Variants in TBC1D22A observed in about 807,000 individuals in gnomAD.
TBC1D22A encodes putative GTPase activator.
A neutral mutation model predicts 60.2 loss-of-function variants in TBC1D22A; 38 were observed. That is an observed-to-expected ratio of 0.63 (90% CI 0.49 to 0.83). TBC1D22A has a LOEUF of 0.83. TBC1D22A is among the 40% of genes least tolerant of loss of function. The probability of loss-of-function intolerance (pLI) is 0.00; values close to 1 mark genes in which losing one functional copy is unlikely to be tolerated. For missense variants in TBC1D22A, 628 were observed against 701.0 expected (o/e 0.90, Z 1.18); for synonymous variants, 302 against 281.7 (o/e 1.07, Z -0.72).
chr22:47,060,681 C>G (rs1381536808), intron 11 of TBC1D22A, among the ~76,000 whole-genome samples: 3 of 152,172 alleles, frequency 2.0e-5, no homozygotes, highest in Non-Finnish European at 4.4e-5. Flanking sequence ...ATCCGACTGC[C>G]TCTGACTTTC....
intron 12 of TBC1D22A, among the ~76,000 whole-genome samples, chr22:47,118,818 T>C (rs908000478): frequency 1.4e-5 from 2 of 146,708 alleles, no homozygotes; most frequent in Middle Eastern, 3.3e-3. Flanking sequence ...CACACATACA[T>C]TTAAAAAATG....
chr22:46,804,973 A>C (rs143731814), intron 4 of TBC1D22A, among the ~76,000 whole-genome samples: 1 of 152,104 alleles, frequency 6.6e-6, no homozygotes, highest in African/African-American at 2.4e-5. Flanking sequence ...TATTTTCTCT[A>C]TGTGAGGGAT....
intron 11 of TBC1D22A, among the ~76,000 whole-genome samples, chr22:47,103,626 TG>T (rs1224935649): frequency 1.3e-5 from 2 of 152,196 alleles, no homozygotes; most frequent in African/African-American, 4.8e-5. Context: ...CAGAGAGGGC[TG>T]ACGTGCCCAG....
intron 12 of TBC1D22A, among the ~76,000 whole-genome samples, chr22:47,112,274 G>A (rs1017761949): frequency 2.6e-5 from 4 of 152,334 alleles, no homozygotes; most frequent in East Asian, 1.9e-4. Context: ...CCCAAGGTGC[G>A]GGCTGGGAAG....
At chr22:47,057,721 A>C (rs528972844) in intron 11 of TBC1D22A, among the ~76,000 whole-genome samples, 181 of 152,294 alleles carry the variant, frequency 1.2e-3, no homozygotes, top group African/African-American at 3.9e-3. Flanking sequence ...CTTACTCACT[A>C]TCGCGAGAAT....
At chr22:46,999,049 C>T (rs918986694) in intron 10 of TBC1D22A, among the ~76,000 whole-genome samples, 3 of 152,210 alleles carry the variant, frequency 2.0e-5, no homozygotes, top group Non-Finnish European at 4.4e-5. Context: ...GTGAATTACA[C>T]GTTCTGAGCA....
intron 11 of TBC1D22A, among the ~76,000 whole-genome samples, chr22:47,090,911 G>C (rs1480866554): frequency 3.1e-5 from 4 of 127,046 alleles, no homozygotes; most frequent in Non-Finnish European, 4.9e-5. Flanking sequence ...AGTCGTCTTT[G>C]GGGGGGTGTG....
rs189847535 is a variant in TBC1D22A, at chr22:46,980,016, C to T, written c.1125+5617C>T. 3.0e-4 allele frequency among the ~76,000 whole-genome samples: 45 copies of T among 151,954 alleles called. 1 individual carries two copies. Among genetic ancestry groups the T allele is most frequent in the Admixed American group, 2.5e-3 (38 of 15,262 alleles). The stretch of plus-strand genomic sequence containing the variant: ...GTACAAACCAAGCAGAGAAGGAGTG[C>T]GCCGGGAATAAATGTTAGCGATTGC... On this transcript the variant is annotated intron_variant, in intron 9 of 12. Transcript: ENST00000337137.
At chr22:46,945,756 T>TG (rs1408149753) in intron 8 of TBC1D22A, among the ~76,000 whole-genome samples, 1 of 152,178 alleles carries the variant, frequency 6.6e-6, no homozygotes, top group African/African-American at 2.4e-5. Context: ...CAATATTACC[T>TG]GCCTCGTGCC....
At chr22:46,858,464 C>CT (rs199869209) in intron 4 of TBC1D22A, among the ~76,000 whole-genome samples, 14 of 152,024 alleles carry the variant, frequency 9.2e-5, no homozygotes, top group African/African-American at 3.1e-4. Context: ...GGCAAACACC[C>CT]CCCCCAGCTC....
chr22:46,798,720 T>C (rs1010613294), intron 4 of TBC1D22A, among the ~76,000 whole-genome samples: 27 of 152,386 alleles, frequency 1.8e-4, no homozygotes, highest in South Asian at 6.2e-4. Context: ...CACACAGTTA[T>C]GACTGGTGTC....
rs1346841757 is a variant in TBC1D22A at position 47,009,557 on chromosome 22, T to TACGTCATCACCAGCATC, written c.1201+11850_1201+11866dup. 1.3e-4 allele frequency among the ~76,000 whole-genome samples: 20 copies of TACGTCATCACCAGCATC among 150,514 alleles called. No individual in the cohort carries two copies. Among genetic ancestry groups the TACGTCATCACCAGCATC allele is most frequent in the Admixed American group, 6.6e-4 (10 of 15,130 alleles). On this transcript the variant is annotated intron_variant, in intron 10 of 12. Transcript: ENST00000337137. This position sits in a 1 kb window ranked among gnomAD's most constrained non-coding sequence, Gnocchi z 5.8. ...TCATCATTGCCATCATCACCATCATTACGTCATCACCAGCATCATCATCAC... is the reference window on the plus strand; with the variant it reads ...TCATCATTGCCATCATCACCATCATTACGTCATCACCAGCATCACGTCATCACCAGCATCATCATCAC...
intron 10 of TBC1D22A, among the ~76,000 whole-genome samples, chr22:47,017,929 TC>T (rs2061959648): frequency 6.6e-6 from 1 of 152,244 alleles, no homozygotes; most frequent in African/African-American, 2.4e-5. Flanking sequence ...GCCGCGAACG[TC>T]CCTTTAATAC....
chr22:46,901,552 C>G (rs1039029160), intron 7 of TBC1D22A, among the ~76,000 whole-genome samples: 1 of 152,146 alleles, frequency 6.6e-6, no homozygotes, highest in Admixed American at 6.6e-5. Context: ...CTGCTCATCG[C>G]GAGAGAGTTC....
At chr22:47,034,720 C>T (rs960623303) in intron 10 of TBC1D22A, among the ~76,000 whole-genome samples, 6 of 152,158 alleles carry the variant, frequency 3.9e-5, no homozygotes, top group African/African-American at 1.4e-4. Context: ...GTGCCGGGGA[C>T]TTTGGACGAC....
chr22:47,011,420 G>A (rs909656575), intron 10 of TBC1D22A, among the ~76,000 whole-genome samples: 2 of 152,190 alleles, frequency 1.3e-5, no homozygotes, highest in Non-Finnish European at 1.5e-5. Flanking sequence ...TTAGAAGGTC[G>A]AATGTGCCCT....
At chr22:46,820,923 T>A (rs1362605716) in intron 4 of TBC1D22A, among the ~76,000 whole-genome samples, 1 of 152,228 alleles carries the variant, frequency 6.6e-6, no homozygotes, top group Non-Finnish European at 1.5e-5. Context: ...ATTGGTTGCT[T>A]ATATATTCAG....
At chr22:46,871,654 A>G (rs1420817558) in intron 4 of TBC1D22A, among the ~76,000 whole-genome samples, 1 of 152,238 alleles carries the variant, frequency 6.6e-6, no homozygotes, top group Non-Finnish European at 1.5e-5. Flanking sequence ...GATAATGACA[A>G]CAGGTGTCAA....
At chr22:46,997,750 G>A in intron 10 of TBC1D22A, 41 bp downstream of exon 10, 1 of 1,594,072 alleles carries the variant, frequency 6.3e-7, no homozygotes, top group Non-Finnish European at 8.6e-7. Context: ...GTGGGCGGGG[G>A]GAGGTGGCCC....
Sources: gnomAD v4.1 joint callset for allele counts (sites outside exome capture counted in the v4.1 genomes callset) on GRCh38, gnomAD v4.1.1 for gene constraint, Gnocchi (gnomAD v3.1) non-coding constraint, MANE v1.5 for transcripts, NCBI Gene and HGNC (gene_info 2026-07-23, HGNC 2026-07-21) for gene names.